OSBP2: variants seen among roughly 807,000 people sequenced by gnomAD.
OSBP2 encodes the protein oxysterol binding protein 2.
In OSBP2, 66 loss-of-function variants were observed where a neutral mutation model predicts 96.0. That is an observed-to-expected ratio of 0.69 (90% CI 0.56 to 0.84). The LOEUF (loss-of-function observed/expected upper bound fraction) is 0.84, where lower values mean the gene tolerates loss of function less well. Among genes scored for constraint, OSBP2 ranks in the 40% least tolerant of loss-of-function variants. The probability of loss-of-function intolerance (pLI) is 0.00; values close to 1 mark genes in which losing one functional copy is unlikely to be tolerated. For missense variants in OSBP2, 1,038 were observed against 1,222.7 expected (o/e 0.85, Z 2.25); for synonymous variants, 525 against 520.9 (o/e 1.01, Z -0.11).
intron 2 of OSBP2, among the ~76,000 whole-genome samples, chr22:30,793,706 A>G (rs1376141426): frequency 6.6e-6 from 1 of 152,092 alleles, no homozygotes; most frequent in Non-Finnish European, 1.5e-5. Context: ...TAAAAAAATA[A>G]AAAATTAGAC....
At chr22:30,797,794 A>G (rs950444520) in intron 2 of OSBP2, among the ~76,000 whole-genome samples, 1 of 151,920 alleles carries the variant, frequency 6.6e-6, no homozygotes, top group Non-Finnish European at 1.5e-5. Flanking sequence ...GGGTTTTGCC[A>G]TGTTGCCCAG....
chr22:30,813,654 A>T (rs1384379982), intron 2 of OSBP2, among the ~76,000 whole-genome samples: 3 of 152,070 alleles, frequency 2.0e-5, no homozygotes, highest in Non-Finnish European at 4.4e-5. Context: ...GCTGTCTTTG[A>T]TGGGGCTTCA....
chr22:30,723,598 G>C (rs2145708238), intron 1 of OSBP2, among the ~76,000 whole-genome samples: 1 of 151,896 alleles, frequency 6.6e-6, no homozygotes, highest in South Asian at 2.1e-4. Context: ...ATTTTTAGTA[G>C]AGACGGGGTT....
At chr22:30,829,313 G>A (rs1342854004) in intron 2 of OSBP2, among the ~76,000 whole-genome samples, 2 of 152,092 alleles carry the variant, frequency 1.3e-5, no homozygotes, top group Non-Finnish European at 1.5e-5. Context: ...TTTTTGAGAC[G>A]GAGTCTTGCT....
At chr22:30,751,635 G>C (rs969266106) in intron 2 of OSBP2, among the ~76,000 whole-genome samples, 1 of 152,120 alleles carries the variant, frequency 6.6e-6, no homozygotes. Flanking sequence ...GATTACAGGC[G>C]TGAGCCACTG....
At chr22:30,763,709 T>C (rs962700806) in intron 2 of OSBP2, among the ~76,000 whole-genome samples, 4 of 152,056 alleles carry the variant, frequency 2.6e-5, no homozygotes, top group East Asian at 3.9e-4. Context: ...AATATTTTAG[T>C]ATAAGGATGT....
chr22:30,719,567 C>T (rs2089513775), intron 1 of OSBP2, among the ~76,000 whole-genome samples: 1 of 151,904 alleles, frequency 6.6e-6, no homozygotes, highest in African/African-American at 2.4e-5. Flanking sequence ...CCAGCCTGGC[C>T]AACATGGCAA....
At chr22:30,696,552 C>T (rs1346044687) in intron 1 of OSBP2, among the ~76,000 whole-genome samples, 1 of 152,224 alleles carries the variant, frequency 6.6e-6, no homozygotes, top group Non-Finnish European at 1.5e-5. Flanking sequence ...CATTGCTGCA[C>T]ACAAAAGGAC....
rs545729466 is a variant in OSBP2, at chr22:30,812,353, A to G, written c.854-58076A>G. Among the ~76,000 whole-genome samples, 3 of 152,078 alleles carry G rather than the reference A, an allele frequency of 2.0e-5. No individual in the cohort carries two copies. The South Asian group carries it at 6.2e-4, about 32-fold the overall frequency. The stretch of plus-strand genomic sequence containing the variant: ...GCTAATTTTTGTATTTTTGGTAGAG[A>G]CAGGGTTTCACCATGTTGGCCGGGC... On this transcript the variant is annotated intron_variant, in intron 2 of 13. Transcript: ENST00000332585.
At chr22:30,783,750 G>A (rs193269530) in intron 2 of OSBP2, among the ~76,000 whole-genome samples, 3 of 152,270 alleles carry the variant, frequency 2.0e-5, no homozygotes, top group South Asian at 2.1e-4. Flanking sequence ...AACTTACGGC[G>A]ATTTCTTAGA....
At chr22:30,769,200 A>G (rs1035168351) in intron 2 of OSBP2, among the ~76,000 whole-genome samples, 3 of 152,214 alleles carry the variant, frequency 2.0e-5, no homozygotes, top group African/African-American at 2.4e-5. Context: ...TAAAAGGGAC[A>G]CAAAATTTGG....
chr22:30,843,446 C>G (rs897934783), intron 2 of OSBP2, among the ~76,000 whole-genome samples: 1 of 116,714 alleles, frequency 8.6e-6, no homozygotes. Flanking sequence ...GGAATCTTTC[C>G]CCCCTCCCCC....
At chr22:30,841,033 C>T (rs1018380695) in intron 2 of OSBP2, among the ~76,000 whole-genome samples, 3 of 151,946 alleles carry the variant, frequency 2.0e-5, no homozygotes, top group Non-Finnish European at 2.9e-5. Context: ...GGTGTGATGG[C>T]GGGCACCTGT....
intron 12 of OSBP2, chr22:30,894,556 C>T (rs62238091): frequency 0.038 from 5,743 of 153,040 alleles, 169 homozygotes; most frequent in East Asian, 0.11. Context: ...TGCAGTCTCC[C>T]GTCAGACCTC....
At chr22:30,827,207 GA>G (rs1006347748) in intron 2 of OSBP2, among the ~76,000 whole-genome samples, 20 of 152,182 alleles carry the variant, frequency 1.3e-4, no homozygotes, top group Admixed American at 1.2e-3. Flanking sequence ...AGATGGGCAA[GA>G]AAGGATGTGA....
chr22:30,879,902 A>C lies in OSBP2; in HGVS notation c.1108-7524A>C, dbSNP rs1317899171. On this transcript the variant is annotated intron_variant, in intron 3 of 13. Transcript: ENST00000332585. ...CCCTGTCTCTACTAAAAATACAAAA[A>C]TTAGCCAGGTGTGGTGGCAGGTGCC... 1.3e-5 allele frequency among the ~76,000 whole-genome samples: 2 copies of C among 152,100 alleles called. 1 individual carries two copies. Among genetic ancestry groups the C allele is most frequent in the Non-Finnish European group, 2.9e-5 (2 of 68,012 alleles).
At chr22:30,776,808 T>C (rs1236127737) in intron 2 of OSBP2, among the ~76,000 whole-genome samples, 1 of 152,196 alleles carries the variant, frequency 6.6e-6, no homozygotes, top group Non-Finnish European at 1.5e-5. Context: ...ACGTTAATCC[T>C]TTCCCCTAGC....
chr22:30,786,178 C>T (rs757086915), intron 2 of OSBP2, among the ~76,000 whole-genome samples: 1 of 152,090 alleles, frequency 6.6e-6, no homozygotes, highest in Non-Finnish European at 1.5e-5. Flanking sequence ...TGTGCCACCA[C>T]ACCCAGCTAA....
chr22:30,873,893 C>A (rs1233753726), intron 3 of OSBP2, among the ~76,000 whole-genome samples: 3 of 152,202 alleles, frequency 2.0e-5, no homozygotes, highest in Non-Finnish European at 4.4e-5. Flanking sequence ...GCTCCATCTT[C>A]ACTTTTCCCC....
Sources: gnomAD v4.1 joint callset for allele counts (sites outside exome capture counted in the v4.1 genomes callset) on GRCh38, gnomAD v4.1.1 for gene constraint, MANE v1.5 for transcripts, NCBI Gene and HGNC (gene_info 2026-07-23, HGNC 2026-07-21) for gene names.